The following COL14A1 variants were observed in gnomAD, a reference collection of about 807,000 sequenced individuals.
COL14A1 encodes the protein collagen type XIV alpha 1 chain.
Under a neutral mutation model 230.3 loss-of-function variants are expected in COL14A1, and 136 were observed. The ratio of observed to expected loss-of-function variants is 0.59; its 90% confidence interval spans 0.51 to 0.68. The LOEUF is 0.68. Among genes scored for constraint, COL14A1 ranks in the 30% least tolerant of loss-of-function variants. The pLI is 0.00. For synonymous variants in COL14A1, 792 were observed against 784.1 expected (o/e 1.01, Z -0.17); for missense variants, 1,976 against 2,215.8 (o/e 0.89, Z 2.17).
rs535162206 is a variant in COL14A1 at position 120,194,286 on chromosome 8, C to G, written c.437-2505C>G. Among the ~76,000 whole-genome samples, 40 of 152,240 alleles carry G rather than the reference C, an allele frequency of 2.6e-4. No homozygotes were observed. The South Asian group carries it at 8.3e-3, about 32-fold the overall frequency. ...GTGCTTAAATTATGTGACATAAACA[C>G]TCAAATTATTTTTCTAGATAATGTT... On this transcript the variant is annotated intron_variant, in intron 5 of 47. Transcript: ENST00000297848.
chr8:120,360,159 A>G (rs1823141013), intron 45 of COL14A1, among the ~76,000 whole-genome samples: 1 of 152,214 alleles, frequency 6.6e-6, no homozygotes, highest in African/African-American at 2.4e-5. Flanking sequence ...TGGAAATAGC[A>G]CAGGGTTTAC....
At chr8:120,268,787 T>C (rs1819574246) in intron 25 of COL14A1, among the ~76,000 whole-genome samples, 1 of 151,750 alleles carries the variant, frequency 6.6e-6, no homozygotes, top group Non-Finnish European at 1.5e-5. Flanking sequence ...CTTTCTTTGA[T>C]TTACTAACTA....
At position 120,247,608 on chromosome 8, in the gene COL14A1, C is replaced by T. The variant is rs749017452; in HGVS notation, c.2480-5C>T. ...TCCCTGTTTTTCCTTTTCTTTTCTA[C>T]TCAGTACCATCCTCGGGGCCCCAGA... is the stretch of plus-strand genomic sequence containing the variant. On this transcript the variant is annotated splice_polypyrimidine_tract_variant and splice_region_variant and intron_variant, in intron 20 of 47. Transcript: ENST00000297848. The T allele has an allele frequency of 6.2e-7, 1 of 1,613,280 alleles. No individual in the cohort carries two copies. The highest frequency in any genetic ancestry group is 8.5e-7 in the Non-Finnish European group (1 of 1,179,670).
At chr8:120,295,267 T>C (rs1311817769) in intron 34 of COL14A1, among the ~76,000 whole-genome samples, 1 of 151,930 alleles carries the variant, frequency 6.6e-6, no homozygotes, top group African/African-American at 2.4e-5. Flanking sequence ...ATCTGCATTT[T>C]AAACGTTAGA....
chr8:120,232,955 G>A (rs548670221), intron 19 of COL14A1, among the ~76,000 whole-genome samples: 21 of 152,030 alleles, frequency 1.4e-4, no homozygotes, highest in East Asian at 3.9e-4. Context: ...AATGATTGCC[G>A]TTCTAACTGG....
intron 22 of COL14A1, among the ~76,000 whole-genome samples, chr8:120,252,756 AC>A (rs1819013763): frequency 6.6e-6 from 1 of 152,200 alleles, no homozygotes; most frequent in Non-Finnish European, 1.5e-5. Flanking sequence ...GGCTTTATGC[AC>A]TTGCCCTATA....
intron 2 of COL14A1, among the ~76,000 whole-genome samples, chr8:120,150,728 A>G (rs1325949270): frequency 6.6e-6 from 1 of 152,134 alleles, no homozygotes; most frequent in Non-Finnish European, 1.5e-5. Flanking sequence ...TTAGACAAAT[A>G]TATGGAGCTT....
chr8:120,334,844 C>G (rs936374418), intron 42 of COL14A1, among the ~76,000 whole-genome samples: 8 of 152,188 alleles, frequency 5.3e-5, no homozygotes, highest in African/African-American at 1.9e-4. Context: ...GTGTAAGCCA[C>G]ATGCACAGAA....
At chr8:120,255,488 T>G in intron 23 of COL14A1, 132 bp downstream of exon 23, 2 of 723,594 alleles carry the variant, frequency 2.8e-6, no homozygotes, top group Non-Finnish European at 4.9e-6. Flanking sequence ...TATTGGTCAG[T>G]CATGCTGCAT....
At chr8:120,143,553 C>G (rs559723759) in intron 1 of COL14A1, among the ~76,000 whole-genome samples, 5 of 152,266 alleles carry the variant, frequency 3.3e-5, no homozygotes, top group Admixed American at 6.5e-5. Context: ...ATTGCTTGAA[C>G]CCAGGAGGCA....
In COL14A1 at chr8:120,225,133, C is replaced by T. The variant is rs545815380; in HGVS notation, c.1783C>T (p.Pro595Ser). Residue 595 changes from proline (P) to serine (S), a missense_variant, in exon 15 of 48, where the codon CCT becomes TCT. By Grantham distance (74) the Pro-to-Ser change is moderately conservative. Around this residue, in one of 3 missense-constraint regions of COL14A1, gnomAD observed 1,791 missense variants for 2,019.5 expected, o/e 0.89. Coordinates refer to ENST00000297848, the MANE Select transcript of COL14A1 (RefSeq NM_021110.4). ...ITTFPLKGLT[P>S]LTEYTIAIFS... ...TACCTTCCCTCTGAAGGGCTTGACA[C>T]CTCTCACAGAGTATACTATTGCTAT... The T allele has an allele frequency of 1.2e-6, 2 of 1,612,596 alleles. No homozygotes were observed. The highest frequency in any genetic ancestry group is 2.7e-5 in the African/African-American group (2 of 75,008).
At chr8:120,222,278 A>T (rs890461188) in intron 14 of COL14A1, among the ~76,000 whole-genome samples, 1 of 152,232 alleles carries the variant, frequency 6.6e-6, no homozygotes, top group South Asian at 2.1e-4. Context: ...AAAATGACCT[A>T]TAATGTTATC....
chr8:120,286,808 C>T (rs1273046117), intron 33 of COL14A1, among the ~76,000 whole-genome samples: 1 of 152,190 alleles, frequency 6.6e-6, no homozygotes, highest in Non-Finnish European at 1.5e-5. Context: ...CGCGCCTGGC[C>T]ACTTGTCATT....
rs1232250293 is a variant in COL14A1, at chr8:120,297,558, T to C, written c.4284T>C (p.Asn1428=). 1.4e-6 allele frequency: 2 copies of C among 1,443,838 alleles called. No homozygotes were observed. 89.4% of individuals were successfully genotyped at this position (1,443,838 alleles called of 1,614,324 possible). Residue 1428 remains asparagine, a synonymous_variant, in exon 35 of 48, where the codon AAT becomes AAC. Coordinates refer to ENST00000297848, the MANE Select transcript of COL14A1 (RefSeq NM_021110.4). The part of the protein sequence containing the change: ...FDIVCSTSWA[N]TDKCCELPGL... ...TTGTTTGCTCCACATCATGGGCCAA[T>C]ACAGACAAATGCTGTGAACTTCCAG... is the stretch of plus-strand genomic sequence containing the variant.
At chr8:120,225,866 A>G (rs13259865) in intron 15 of COL14A1, among the ~76,000 whole-genome samples, 1 of 152,170 alleles carries the variant, frequency 6.6e-6, no homozygotes, top group African/African-American at 2.4e-5. Context: ...TAATTTGGAG[A>G]CAGATGAAAA....
chr8:120,276,617 C>T (rs558639717), intron 26 of COL14A1, among the ~76,000 whole-genome samples: 2 of 151,746 alleles, frequency 1.3e-5, no homozygotes, highest in African/African-American at 2.4e-5. Context: ...ATAGTTTGCT[C>T]AGAATGCTGG....
At chr8:120,205,059 C>T (rs1383920938) in intron 9 of COL14A1, among the ~76,000 whole-genome samples, 2 of 151,954 alleles carry the variant, frequency 1.3e-5, no homozygotes, top group African/African-American at 4.8e-5. Context: ...ATTTTGACTT[C>T]CCACTAGGCC....
At chr8:120,176,033 G>C (rs962699115) in intron 5 of COL14A1, among the ~76,000 whole-genome samples, 1 of 152,086 alleles carries the variant, frequency 6.6e-6, no homozygotes, top group Non-Finnish European at 1.5e-5. Context: ...AAAATACCTA[G>C]TATATAGTAA....
intron 19 of COL14A1, among the ~76,000 whole-genome samples, chr8:120,240,766 G>T (rs759468068): frequency 6.6e-6 from 1 of 152,014 alleles, no homozygotes; most frequent in Non-Finnish European, 1.5e-5. Context: ...TTTAATTTAC[G>T]TTTCCAGTTG....
Sources: gnomAD v4.1 joint callset for allele counts (sites outside exome capture counted in the v4.1 genomes callset) on GRCh38, gnomAD v4.1.1 for gene constraint, gnomAD v4.1.1 regional missense constraint, MANE v1.5 for transcripts, NCBI Gene and HGNC (gene_info 2026-07-23, HGNC 2026-07-21) for gene names.